MYO1H: variants seen among roughly 807,000 people sequenced by gnomAD.
MYO1H encodes the protein unconventional myosin-Ih.
In MYO1H, 118 loss-of-function variants were observed where a neutral mutation model predicts 149.3. The ratio of observed to expected loss-of-function variants is 0.79; its 90% CI spans 0.68 to 0.92. The LOEUF is 0.92. MYO1H is among the 40% of genes least tolerant of loss of function. The pLI is 0.00. For missense variants in MYO1H, 1,212 were observed against 1,280.7 expected (o/e 0.95, Z 0.82); for synonymous variants, 447 against 465.2 (o/e 0.96, Z 0.50).
intron 1 of MYO1H, among the ~76,000 whole-genome samples, chr12:109,367,110 A>G (rs542961645): frequency 2.3e-4 from 35 of 152,364 alleles, no homozygotes; most frequent in Non-Finnish European, 4.7e-4. Context: ...CAGGGGAGGA[A>G]AAACTCACTT....
intron 25 of MYO1H, among the ~76,000 whole-genome samples, chr12:109,441,048 C>A (rs556184353): frequency 1.3e-5 from 2 of 152,366 alleles, no homozygotes; most frequent in South Asian, 2.1e-4. Flanking sequence ...CATGGGAACA[C>A]AATCACAACG....
the MYO1H span, among the ~76,000 whole-genome samples, chr12:109,318,978 T>TG: frequency 9.0e-6 from 1 of 111,674 alleles, no homozygotes. Context: ...TTTTGTTTTT[T>TG]TTTTTTTTTT....
intron 1 of MYO1H, among the ~76,000 whole-genome samples, chr12:109,383,155 C>T (rs759107593): frequency 1.3e-5 from 2 of 152,072 alleles, no homozygotes; most frequent in Non-Finnish European, 2.9e-5. Context: ...GGTCTGCTTT[C>T]CTCAATTTTA....
intron 16 of MYO1H, among the ~76,000 whole-genome samples, chr12:109,421,312 A>G (rs149181797): frequency 6.6e-6 from 1 of 152,260 alleles, no homozygotes; most frequent in Non-Finnish European, 1.5e-5. Context: ...TGGGGCTTAC[A>G]GTCAGGAGTT....
In MYO1H at chr12:109,447,121, G is replaced by A. The variant is rs758444751; in HGVS notation, c.3094-38G>A. 44 of 1,582,384 alleles carry A rather than the reference G, an allele frequency of 2.8e-5. 1 individual carries two copies. Among genetic ancestry groups the A allele is most frequent in the East Asian group, 6.9e-5 (3 of 43,700 alleles). ...CTGTTTCCTTTTGCGCAAAGGGAGC[G>A]GGGAAGGGCTGTAAACCGAAGTGTG... On this transcript the variant is annotated intron_variant, in intron 31 of 31. Transcript: ENST00000310903.
At chr12:109,393,944 G>A (rs1157506854) in intron 3 of MYO1H, among the ~76,000 whole-genome samples, 1 of 150,956 alleles carries the variant, frequency 6.6e-6, no homozygotes, top group Non-Finnish European at 1.5e-5. Context: ...TGGTGCCTGA[G>A]TGTCATAGCG....
chr12:109,429,062 C>G (rs374105874), intron 19 of MYO1H, among the ~76,000 whole-genome samples: 9 of 152,160 alleles, frequency 5.9e-5, no homozygotes, highest in African/African-American at 1.7e-4. Context: ...CAAAAATCAG[C>G]CAGGCATAGT....
intron 15 of MYO1H, 127 bp from the exon 16 acceptor site, chr12:109,420,854 G>A: frequency 1.5e-6 from 1 of 684,792 alleles, no homozygotes; most frequent in Non-Finnish European, 2.6e-6. Flanking sequence ...ATAGTGCCAA[G>A]GTTGAGAAAC....
chr12:109,328,009 T>A, the MYO1H span, among the ~76,000 whole-genome samples: 1 of 151,716 alleles, frequency 6.6e-6, no homozygotes, highest in Non-Finnish European at 1.5e-5. Flanking sequence ...TTAGAATTAT[T>A]TAAAACTCAG....
At chr12:109,412,131 C>G (rs757525390) in intron 14 of MYO1H, 146 bp downstream of exon 14, 1 of 558,124 alleles carries the variant, frequency 1.8e-6, no homozygotes, top group Non-Finnish European at 3.1e-6. Flanking sequence ...TGTGCCAGAC[C>G]TTTGTTAGTA....
In MYO1H at chr12:109,444,200, G is replaced by C. The variant is rs761756284; in HGVS notation, c.2825-13G>C. 1.8e-5 allele frequency: 29 copies of C among 1,609,478 alleles called. No individual in the cohort carries two copies. Among genetic ancestry groups the C allele is most frequent in the Non-Finnish European group, 2.2e-5 (26 of 1,176,020 alleles). On this transcript the variant is annotated splice_polypyrimidine_tract_variant and intron_variant, in intron 28 of 31. Coordinates refer to ENST00000310903, the Ensembl canonical transcript of MYO1H. ...CTCTAGTTCTTGGCTCCTAACTCTG[G>C]ATCTGTCTTAAGGTGTCTCCACTAG...
chr12:109,314,051 A>G, the MYO1H span, among the ~76,000 whole-genome samples: 2 of 151,544 alleles, frequency 1.3e-5, no homozygotes, highest in African/African-American at 2.4e-5. Flanking sequence ...TGCCTGGCTA[A>G]TTTTTGTATT....
chr12:109,424,042 C>A (rs1257655226), intron 16 of MYO1H, among the ~76,000 whole-genome samples: 5 of 152,236 alleles, frequency 3.3e-5, no homozygotes, highest in Non-Finnish European at 7.3e-5. Flanking sequence ...AGGGACCACA[C>A]AGGATGTGCG....
chr12:109,395,357 C>T (rs867143642), intron 3 of MYO1H, among the ~76,000 whole-genome samples: 59 of 152,254 alleles, frequency 3.9e-4, no homozygotes, highest in African/African-American at 8.2e-4. Flanking sequence ...GTTAATAGAA[C>T]GTCTCTTGGA....
rs1871496515 is a variant in MYO1H at position 109,428,922 on chromosome 12, G to GA, written c.1949+1337dup. ...ATTCATTCTTTCCATAAAATCTAGT[G>GA]AGCAGGCCGGGCATGTTGCCTCACA... On this transcript the variant is annotated intron_variant, in intron 19 of 31. Transcript: ENST00000310903. Among the ~76,000 whole-genome samples, 3 of 152,116 alleles carry GA rather than the reference G, an allele frequency of 2.0e-5. 1 individual carries two copies. The South Asian group carries it at 6.2e-4, about 32-fold the overall frequency.
chr12:109,356,389 G>GTT (rs3036281), intron 1 of MYO1H, among the ~76,000 whole-genome samples: 56 of 149,784 alleles, frequency 3.7e-4, no homozygotes, highest in African/African-American at 1.0e-3. Context: ...GTTTGTTTTT[G>GTT]TTTTTTTTTT....
intron 1 of MYO1H, among the ~76,000 whole-genome samples, chr12:109,355,593 GC>G (rs761239844): frequency 2.0e-5 from 3 of 152,160 alleles, no homozygotes; most frequent in African/African-American, 4.8e-5. Context: ...CCACCAGGAT[GC>G]TAAAGTTTGC....
chr12:109,380,378 G>GA (rs144320643), intron 1 of MYO1H, among the ~76,000 whole-genome samples: 5,028 of 149,826 alleles, frequency 0.034, 282 homozygotes, highest in African/African-American at 0.12. Flanking sequence ...ACGGTAAAAT[G>GA]AAAAAAAAAT....
At position 109,446,490 on chromosome 12, in the gene MYO1H, G is replaced by A. The variant is rs181914355; in HGVS notation, c.3094-669G>A. ...TATAAAGTCATTTTGCAGGCCCGGCGCGGTGGCTCACGCCTATAATCCCAG... is the reference window on the plus strand; with the variant it reads ...TATAAAGTCATTTTGCAGGCCCGGCACGGTGGCTCACGCCTATAATCCCAG... On this transcript the variant is annotated intron_variant, in intron 31 of 31. Transcript: ENST00000310903. 4.6e-5 allele frequency: 45 copies of A among 985,098 alleles called. No individual in the cohort carries two copies. In the Admixed American group the frequency reaches 1.2e-3, roughly 27 times the overall value. 61.0% of individuals were successfully genotyped at this position (985,098 alleles called of 1,614,324 possible). A position where few individuals can be genotyped will look rare whatever the true frequency, so the allele number is the denominator to read the frequency against.
Sources: gnomAD v4.1 joint callset for allele counts (sites outside exome capture counted in the v4.1 genomes callset) on GRCh38, gnomAD v4.1.1 for gene constraint, MANE v1.5 for transcripts, NCBI Gene and HGNC (gene_info 2026-07-23, HGNC 2026-07-21) for gene names.